PRPF18: variants seen among roughly 807,000 people sequenced by gnomAD.
The protein encoded by PRPF18 is pre-mRNA-splicing factor 18.
PRPF18 carries 38 observed loss-of-function variants against 46.5 expected under a neutral mutation model. The ratio of observed to expected loss-of-function variants is 0.82; its 90% CI spans 0.63 to 1.07. The LOEUF (loss-of-function observed/expected upper bound fraction) is 1.07. Ranked by LOEUF, PRPF18 falls within the 50% of genes least tolerant of loss-of-function variation. The probability of loss-of-function intolerance (pLI) is 0.00; values close to 1 mark genes in which losing one functional copy is unlikely to be tolerated. For missense variants in PRPF18, 263 were observed against 410.0 expected (o/e 0.64, Z 3.10); for synonymous variants, 152 against 146.7 (o/e 1.04, Z -0.26).
At chr10:13,590,168 T>C (rs2079937019) in intron 1 of PRPF18, among the ~76,000 whole-genome samples, 1 of 151,964 alleles carries the variant, frequency 6.6e-6, no homozygotes. Context: ...ATTTATAATA[T>C]ATAAACTTTT....
chr10:13,633,495 C>A (rs2080608555), downstream of PRPF18, among the ~76,000 whole-genome samples: 1 of 152,122 alleles, frequency 6.6e-6, no homozygotes, highest in Non-Finnish European at 1.5e-5. Flanking sequence ...ACCAGTGTTT[C>A]CAAATCTTTG....
At chr10:13,611,562 G>A (rs2080269345) in intron 5 of PRPF18, 53 bp from the exon 6 acceptor site, 6 of 1,424,262 alleles carry the variant, frequency 4.2e-6, no homozygotes, top group Middle Eastern at 1.8e-4. Context: ...TAATATATAT[G>A]TTTAGTTGTT....
chr10:13,619,177 C>A (rs1349556786), intron 9 of PRPF18, among the ~76,000 whole-genome samples: 2 of 152,178 alleles, frequency 1.3e-5, no homozygotes, highest in African/African-American at 4.8e-5. Flanking sequence ...CTGTGTGGCC[C>A]ATTGCCTGAC....
In PRPF18 at chr10:13,613,787, A is replaced by G. The variant is rs1413160489; in HGVS notation, c.626A>G (p.Tyr209Cys). 14 of 1,613,978 alleles carry G rather than the reference A, an allele frequency of 8.7e-6. No individual in the cohort carries two copies. The highest frequency in any genetic ancestry group is 1.2e-5 in the Non-Finnish European group (14 of 1,179,996). ...AAAGAATTGAATGCCAGAGAAGATT[A>G]TGTGAAACGCAGTGTGCAGGGTAAA... ...WAKELNAREDYVKRSVQGKLN... is the reference protein window; with the variant it reads ...WAKELNAREDCVKRSVQGKLN... Residue 209 changes from tyrosine to cysteine, a missense_variant, in exon 7 of 10, where the codon TAT becomes TGT. Tyr to Cys is a radical substitution (Grantham distance 194). Coordinates refer to ENST00000378572, the MANE Select transcript of PRPF18 (RefSeq NM_003675.4).
rs527581336 is a variant in PRPF18 at position 13,608,318 on chromosome 10, C to G, written c.364-1721C>G. On this transcript the variant is annotated intron_variant, in intron 4 of 9. Coordinates refer to ENST00000378572, the MANE Select transcript of PRPF18 (RefSeq NM_003675.4). ...CTGGTCTTCTAAGCTGATATCTTGC[C>G]CCTTTCCTGGCGTCTCAGTTGGAAT... Among the ~76,000 whole-genome samples, 15 of 152,308 alleles carry G rather than the reference C, an allele frequency of 9.8e-5. No individual in the cohort carries two copies. In the East Asian group the frequency reaches 2.7e-3, roughly 27 times the overall value.
At chr10:13,653,245 A>G in the PRPF18 span, 128,101 of 152,298 alleles carry the variant, frequency 0.84, 53,920 homozygotes, top group East Asian at 0.91. Context: ...AAAAATGCCG[A>G]CCAGGTGCCT....
chr10:13,597,448 T>TC lies in PRPF18; in HGVS notation c.67-9dup. 2 of 1,560,360 alleles carry TC rather than the reference T, an allele frequency of 1.3e-6. No individual in the cohort carries two copies. Among genetic ancestry groups the TC allele is most frequent in the Non-Finnish European group, 8.7e-7 (1 of 1,149,028 alleles). Reference sequence around the variant, plus strand: ...GATATATTATTGACATAATTTATTTTCTTTAATAGGAAAATAAAAAATATT... The same window carrying TC: ...GATATATTATTGACATAATTTATTTTCCTTTAATAGGAAAATAAAAAATATT... On this transcript the variant is annotated splice_polypyrimidine_tract_variant and intron_variant, in intron 1 of 9. Transcript: ENST00000378572.
the PRPF18 span, chr10:13,644,373 A>G: frequency 6.6e-6 from 1 of 152,242 alleles, no homozygotes; most frequent in Non-Finnish European, 1.5e-5. Context: ...CTGATCATTA[A>G]TCATGTCAGT....
rs74745712 is a variant in PRPF18, at chr10:13,610,035, T to G, written c.364-4T>G. On this transcript the variant is annotated splice_polypyrimidine_tract_variant and splice_region_variant and intron_variant, in intron 4 of 9. Coordinates refer to ENST00000378572, the MANE Select transcript of PRPF18 (RefSeq NM_003675.4). ...GGTGTTCTTCCTTTTTTTGCTTTTC[T>G]TAGGGATTGAGGAATGATTTGAAAG... 1 of 1,594,374 alleles carries G rather than the reference T, an allele frequency of 6.3e-7. No homozygotes were observed. Among genetic ancestry groups the G allele is most frequent in the Non-Finnish European group, 8.6e-7 (1 of 1,166,118 alleles).
intron 4 of PRPF18, among the ~76,000 whole-genome samples, chr10:13,606,089 C>T (rs1290873676): frequency 2.0e-5 from 3 of 152,022 alleles, no homozygotes. Flanking sequence ...CCACGACACA[C>T]GTTTCCCTAT....
chr10:13,633,436 G>T (rs1383184791), downstream of PRPF18, among the ~76,000 whole-genome samples: 1 of 152,178 alleles, frequency 6.6e-6, no homozygotes, highest in Non-Finnish European at 1.5e-5. Flanking sequence ...CCACCTTTTT[G>T]TTGGAAAGAA....
chr10:13,640,532 G>A, the PRPF18 span: 5 of 152,258 alleles, frequency 3.3e-5, no homozygotes, highest in African/African-American at 1.2e-4. Flanking sequence ...GGAAACTGAT[G>A]TTTTACCTAC....
At chr10:13,651,209 A>AGTGATAAAAATGTTG in the PRPF18 span, 1 of 152,240 alleles carries the variant, frequency 6.6e-6, no homozygotes, top group Non-Finnish European at 1.5e-5. Context: ...TGATGGTGGT[A>AGTGATAAAAATGTTG]GTGATAAAAA....
rs556935319 is a variant in PRPF18, at chr10:13,610,311, C to T, written c.510+126C>T. ...GTCCTTGGTCTTTTGTTTATTTACT[C>T]CTCGCTTTTATTTATTTACTCCCCT... On this transcript the variant is annotated intron_variant, in intron 5 of 9. Coordinates refer to ENST00000378572, the MANE Select transcript of PRPF18 (RefSeq NM_003675.4). 3.7e-5 allele frequency: 40 copies of T among 1,077,816 alleles called. No individual in the cohort carries two copies. The South Asian group carries it at 1.0e-3, about 28-fold the overall frequency. The allele number at this position is 1,077,816 out of a possible 1,614,324, so 66.8% of individuals were successfully genotyped here.
intron 9 of PRPF18, among the ~76,000 whole-genome samples, chr10:13,621,910 T>C (rs2080425364): frequency 6.6e-6 from 1 of 152,252 alleles, no homozygotes; most frequent in Admixed American, 6.5e-5. Context: ...ATATTTCATC[T>C]ATGCTAGCAT....
the PRPF18 span, chr10:13,653,471 G>T: frequency 2.6e-5 from 4 of 152,302 alleles, no homozygotes; most frequent in Admixed American, 2.6e-4. Context: ...CTGCAGTCTG[G>T]GCAACAGAGT....
chr10:13,622,115 G>A (rs759872906), intron 9 of PRPF18, among the ~76,000 whole-genome samples: 4 of 152,204 alleles, frequency 2.6e-5, no homozygotes, highest in South Asian at 2.1e-4. Flanking sequence ...ACACTTGTGG[G>A]TTGAGTGGCT....
At chr10:13,628,732 T>C (rs1267324131) in intron 9 of PRPF18, among the ~76,000 whole-genome samples, 1 of 152,158 alleles carries the variant, frequency 6.6e-6, no homozygotes, top group African/African-American at 2.4e-5. Context: ...TTTATTGAGC[T>C]TAACAGGTGT....
intron 1 of PRPF18, among the ~76,000 whole-genome samples, chr10:13,590,452 AATAT>A (rs376434379): frequency 4.5e-4 from 63 of 140,508 alleles, no homozygotes; most frequent in African/African-American, 1.5e-3. Flanking sequence ...AAAAAAAAAA[AATAT>A]ATATATATAT....
Sources: gnomAD v4.1 joint callset for allele counts (sites outside exome capture counted in the v4.1 genomes callset) on GRCh38, gnomAD v4.1.1 for gene constraint, MANE v1.5 for transcripts, NCBI Gene and HGNC (gene_info 2026-07-23, HGNC 2026-07-21) for gene names.